The following OR3A2 variants were observed in gnomAD, a reference collection of about 807,000 sequenced individuals.
The protein encoded by OR3A2 is olfactory receptor family 3 subfamily A member 2, also known as olfactory receptor 3A2.
For synonymous variants in OR3A2, 126 were observed against 159.3 expected, an observed-to-expected ratio of 0.79 and a Z score of 1.57; for missense variants, 318 against 392.8, an observed-to-expected ratio of 0.81 and a Z score of 1.61.
chr17:3,310,335 G>T (rs751695372), intron 3 of OR3A2: 1 of 534,476 alleles, frequency 1.9e-6, no homozygotes, highest in African/African-American at 1.9e-5. Flanking sequence ...CTCAGGGAAT[G>T]ATTCAGTTGT....
intron 2 of OR3A2, among the ~76,000 whole-genome samples, chr17:3,376,480 GA>G (rs71153348): frequency 1 from 152,232 of 152,232 alleles, 76,116 homozygotes; most frequent in Non-Finnish European, 1. Context: ...GTGGGGGACG[GA>G]AGGGGTGGTT....
At chr17:3,379,432 G>A (rs1053340346) in intron 2 of OR3A2, among the ~76,000 whole-genome samples, 2 of 152,158 alleles carry the variant, frequency 1.3e-5, no homozygotes, top group Non-Finnish European at 2.9e-5. Context: ...AACAGAGAGC[G>A]CCAACCCTGA....
At chr17:3,321,307 C>T (rs571000057) in intron 3 of OR3A2, among the ~76,000 whole-genome samples, 1 of 152,234 alleles carries the variant, frequency 6.6e-6, no homozygotes, top group Admixed American at 6.5e-5. Context: ...TCTAGATATA[C>T]AATCATGTCA....
chr17:3,317,504 A>G (rs755748669), intron 3 of OR3A2, among the ~76,000 whole-genome samples: 1 of 152,214 alleles, frequency 6.6e-6, no homozygotes, highest in Non-Finnish European at 1.5e-5. Flanking sequence ...TCAAGTGAAC[A>G]TAGCATTGGA....
intron 3 of OR3A2, among the ~76,000 whole-genome samples, chr17:3,322,185 G>A (rs2049129681): frequency 1.3e-5 from 2 of 152,018 alleles, no homozygotes; most frequent in South Asian, 4.2e-4. Context: ...ATTCTCTGAT[G>A]GTAGTTTGTA....
At chr17:3,364,986 G>C (rs573563796) in intron 2 of OR3A2, among the ~76,000 whole-genome samples, 2 of 151,588 alleles carry the variant, frequency 1.3e-5, no homozygotes, top group Admixed American at 6.6e-5. Context: ...ATTACACATA[G>C]AGAATGCTTT....
chr17:3,301,925 G>A (rs1340755799), intron 3 of OR3A2, among the ~76,000 whole-genome samples: 1 of 152,114 alleles, frequency 6.6e-6, no homozygotes, highest in African/African-American at 2.4e-5. Context: ...TAACAGACAA[G>A]CAGAGAGCCA....
chr17:3,278,680 T>C (rs767637006), exon 2 of OR3A2: 1 of 1,374,186 alleles, frequency 7.3e-7, no homozygotes, highest in Admixed American at 2.0e-5. Context: ...GCAGGAACAG[T>C]GACAGTGATA....
chr17:3,381,662 A>G (rs1326496023), intron 2 of OR3A2, among the ~76,000 whole-genome samples: 1 of 152,196 alleles, frequency 6.6e-6, no homozygotes, highest in African/African-American at 2.4e-5. Context: ...AGAAAAAAAA[A>G]TGAAGCTCAA....
intron 3 of OR3A2, among the ~76,000 whole-genome samples, chr17:3,325,867 T>C (rs1290956947): frequency 6.6e-6 from 1 of 152,060 alleles, no homozygotes; most frequent in East Asian, 1.9e-4. Context: ...CCATGGTGGG[T>C]TGCTGCACAG....
chr17:3,276,171 C>T (rs1159989916), downstream of OR3A2, among the ~76,000 whole-genome samples: 4 of 145,406 alleles, frequency 2.8e-5, no homozygotes, highest in African/African-American at 5.1e-5. Context: ...TTGAAAATAA[C>T]CCAAATTATA....
rs751721052 is a variant in OR3A2, at chr17:3,311,388, C to T, written c.-85+24645G>A. On this transcript the variant is annotated intron_variant, in intron 3 of 4. Transcript: ENST00000573491. This position sits in a 1 kb window ranked among gnomAD's most constrained non-coding sequence, Gnocchi z 4.6. ...ACCTGGCTATCTGTCAGCTTCTCAC[C>T]AACAGCACTCGCATGAGCTGTGAAG... 1 of 516,748 alleles carries T rather than the reference C, an allele frequency of 1.9e-6. No individual in the cohort carries two copies. Among genetic ancestry groups the T allele is most frequent in the Non-Finnish European group, 4.0e-6 (1 of 249,030 alleles). 32.0% of individuals were successfully genotyped at this position (516,748 alleles called of 1,614,324 possible).
At chr17:3,365,515 C>G (rs1329062311) in intron 2 of OR3A2, among the ~76,000 whole-genome samples, 4 of 152,164 alleles carry the variant, frequency 2.6e-5, no homozygotes, top group Non-Finnish European at 5.9e-5. Flanking sequence ...AACAAATTAA[C>G]TTCATAATCT....
intron 3 of OR3A2, chr17:3,310,469 T>A: frequency 1.9e-6 from 1 of 535,680 alleles, no homozygotes; most frequent in Non-Finnish European, 3.8e-6. Context: ...CGGCCATCCT[T>A]ATGGAAACCA....
At position 3,311,180 on chromosome 17, in the gene OR3A2, A is replaced by T; in HGVS notation, c.-85+24853T>A. The T allele has an allele frequency of 1.9e-6, 1 of 537,744 alleles. No individual in the cohort carries two copies. Among genetic ancestry groups the T allele is most frequent in the Non-Finnish European group, 3.8e-6 (1 of 262,346 alleles). The allele number at this position is 537,744 out of a possible 1,614,324, so 33.3% of individuals were successfully genotyped here. A position where few individuals can be genotyped will look rare whatever the true frequency, so the allele number is the denominator to read the frequency against. On this transcript the variant is annotated intron_variant, in intron 3 of 4. Coordinates refer to the OR3A2 transcript ENST00000573491. The surrounding 1 kb of genome is among the most constrained non-coding windows in gnomAD (Gnocchi z 4.6). Reference sequence around the variant, plus strand: ...CTGTCATCAGCCCCATGCTGAACCCACTCATCTACTGGACATCTCTGCTGG... The same window carrying T: ...CTGTCATCAGCCCCATGCTGAACCCTCTCATCTACTGGACATCTCTGCTGG...
intron 3 of OR3A2, among the ~76,000 whole-genome samples, chr17:3,309,577 G>C (rs890055869): frequency 2.0e-5 from 3 of 152,042 alleles, no homozygotes; most frequent in African/African-American, 7.2e-5. Flanking sequence ...TTTGGTAAAC[G>C]GTCAGTACTT....
chr17:3,368,129 T>C (rs892615889), intron 2 of OR3A2, among the ~76,000 whole-genome samples: 46 of 152,346 alleles, frequency 3.0e-4, no homozygotes, highest in Admixed American at 2.2e-3. Context: ...AGATTCTGGA[T>C]ATTAGTGCTT....
At chr17:3,278,503 T>G in exon 2 of OR3A2, 1 of 1,613,920 alleles carries the variant, frequency 6.2e-7, no homozygotes. Context: ...GTCTGACTCA[T>G]GCGGGTGCTG....
chr17:3,378,881 C>T (rs1445108372), intron 2 of OR3A2, among the ~76,000 whole-genome samples: 4 of 152,158 alleles, frequency 2.6e-5, no homozygotes, highest in African/African-American at 4.8e-5. Context: ...GTCTTCTCCC[C>T]GCAACCTGTT....
Sources: gnomAD v4.1 joint callset for allele counts (sites outside exome capture counted in the v4.1 genomes callset) on GRCh38, gnomAD v4.1.1 for gene constraint, Gnocchi (gnomAD v3.1) non-coding constraint, MANE v1.5 for transcripts, NCBI Gene and HGNC (gene_info 2026-07-23, HGNC 2026-07-21) for gene names.